SNX7: variants seen among roughly 807,000 people sequenced by gnomAD.
SNX7 encodes sorting nexin 7.
Under a neutral mutation model 48.4 loss-of-function variants are expected in SNX7, and 35 were observed. That is an observed-to-expected ratio of 0.72 (90% confidence interval 0.55 to 0.96). The LOEUF is 0.96. Among genes scored for constraint, SNX7 ranks in the 40% least tolerant of loss-of-function variants. The pLI, the probability that SNX7 is intolerant of heterozygous loss-of-function variation, is 0.00. For synonymous variants in SNX7, 190 were observed against 190.2 expected (o/e 1.00, Z 0.01); for missense variants, 553 against 548.9 (o/e 1.01, Z -0.07).
At chr1:98,662,784 C>G in intron 1 of SNX7, 1 of 1,289,340 alleles carries the variant, frequency 7.8e-7, no homozygotes, top group Non-Finnish European at 1.0e-6. Flanking sequence ...TACTAAGAAG[C>G]CTGTTCATTT....
intron 7 of SNX7, among the ~76,000 whole-genome samples, chr1:98,704,252 C>G (rs1269354563): frequency 6.6e-6 from 1 of 152,116 alleles, no homozygotes; most frequent in African/African-American, 2.4e-5. Flanking sequence ...CATTGTAAGA[C>G]TGGAAAAATT....
chr1:98,707,800 C>A (rs188682694), intron 7 of SNX7, among the ~76,000 whole-genome samples: 2 of 152,220 alleles, frequency 1.3e-5, no homozygotes, highest in Non-Finnish European at 1.5e-5. Flanking sequence ...TCATCATAGT[C>A]TGGAATTTTG....
intron 4 of SNX7, among the ~76,000 whole-genome samples, chr1:98,692,714 T>C (rs1038480545): frequency 1.3e-5 from 2 of 152,176 alleles, no homozygotes; most frequent in African/African-American, 4.8e-5. Context: ...GCTACAAAAA[T>C]AGTACAATAG....
chr1:98,716,430 A>G lies in SNX7; in HGVS notation c.1125+14527A>G, dbSNP rs376863983. Among the ~76,000 whole-genome samples, 4 of 152,238 alleles carry G rather than the reference A, an allele frequency of 2.6e-5. No homozygotes were observed. In the East Asian group the frequency reaches 5.8e-4, roughly 22 times the overall value. On this transcript the variant is annotated intron_variant, in intron 7 of 8. Transcript: ENST00000306121. ...CCAGTGTGGACATTAGTCTTGTTCT[A>G]CCTGCAGTGATTAACCTTTAGAGCT...
chr1:98,722,104 T>C (rs1557821078), intron 7 of SNX7, among the ~76,000 whole-genome samples: 2 of 152,104 alleles, frequency 1.3e-5, no homozygotes, highest in Non-Finnish European at 1.5e-5. Context: ...TTAATGGTGT[T>C]GAAGGTGCTG....
intron 1 of SNX7, among the ~76,000 whole-genome samples, chr1:98,668,715 T>A (rs1203375658): frequency 1.3e-5 from 2 of 152,222 alleles, no homozygotes; most frequent in Non-Finnish European, 2.9e-5. Flanking sequence ...TAATAACTCC[T>A]TATGAACACT....
chr1:98,690,200 A>G (rs940646744), intron 2 of SNX7, among the ~76,000 whole-genome samples: 13 of 152,118 alleles, frequency 8.5e-5, no homozygotes, highest in African/African-American at 3.1e-4. Context: ...TTCAACCTAA[A>G]TATTACTGCA....
At chr1:98,739,557 A>T (rs1653968375) in intron 8 of SNX7, among the ~76,000 whole-genome samples, 1 of 152,236 alleles carries the variant, frequency 6.6e-6, no homozygotes, top group African/African-American at 2.4e-5. Context: ...TGAAGGAAAC[A>T]ATCACAAAGA....
intron 7 of SNX7, among the ~76,000 whole-genome samples, chr1:98,703,688 T>TATATATAC (rs1651868898): frequency 6.6e-6 from 1 of 151,946 alleles, no homozygotes; most frequent in Non-Finnish European, 1.5e-5. Context: ...TGTATAAACA[T>TATATATAC]ATATATACAT....
At chr1:98,714,655 G>A (rs1455893382) in intron 7 of SNX7, among the ~76,000 whole-genome samples, 1 of 152,058 alleles carries the variant, frequency 6.6e-6, no homozygotes, top group Non-Finnish European at 1.5e-5. Flanking sequence ...TCCAAATTCT[G>A]GAGCACCAGT....
At chr1:98,732,987 G>T (rs1033882076) in intron 7 of SNX7, among the ~76,000 whole-genome samples, 1 of 152,064 alleles carries the variant, frequency 6.6e-6, no homozygotes, top group Admixed American at 6.6e-5. Context: ...ATGTCAATCG[G>T]TGTATCCATA....
chr1:98,696,783 A>G (rs1651481396), intron 5 of SNX7, among the ~76,000 whole-genome samples: 1 of 151,788 alleles, frequency 6.6e-6, no homozygotes, highest in African/African-American at 2.4e-5. Flanking sequence ...CTGTGATTCC[A>G]GTTCTATTAA....
intron 7 of SNX7, among the ~76,000 whole-genome samples, chr1:98,721,702 G>T (rs1652882998): frequency 6.6e-6 from 1 of 151,976 alleles, no homozygotes; most frequent in East Asian, 1.9e-4. Flanking sequence ...GGCCTGTGAA[G>T]TTCTGTGAAA....
At chr1:98,718,787 T>G (rs1026123460) in intron 7 of SNX7, among the ~76,000 whole-genome samples, 12 of 152,154 alleles carry the variant, frequency 7.9e-5, no homozygotes, top group Admixed American at 7.9e-4. Context: ...ACATTCTGAC[T>G]TTTTAATTCG....
In SNX7 at chr1:98,684,922, T is replaced by C; in HGVS notation, c.218T>C (p.Met73Thr). ...SLMDMNSFSP[M>T]MPTSPLSMIN... is the part of the protein sequence containing the mutation. ...ATGGACATGAACTCCTTCAGCCCTA[T>C]GATGCCAACATCCCCTTTATCAATG... is the stretch of plus-strand genomic sequence containing the variant. Residue 73 changes from methionine to threonine, a missense_variant, in exon 2 of 9, where the codon ATG becomes ACG. Physicochemically the swap from Met to Thr is moderately conservative, Grantham distance 81 (BLOSUM62 -1). Transcript: ENST00000306121. 6.3e-7 allele frequency: 1 copy of C among 1,586,234 alleles called. No individual in the cohort carries two copies. The highest frequency in any genetic ancestry group is 8.6e-7 in the Non-Finnish European group (1 of 1,164,876).
chr1:98,687,555 G>A (rs1020220421), intron 2 of SNX7, among the ~76,000 whole-genome samples: 5 of 152,020 alleles, frequency 3.3e-5, no homozygotes, highest in Non-Finnish European at 5.9e-5. Flanking sequence ...CCCAAGTATT[G>A]TGCTTATATA....
chr1:98,748,343 T>A (rs1214479563), intron 8 of SNX7, among the ~76,000 whole-genome samples: 1 of 151,990 alleles, frequency 6.6e-6, no homozygotes, highest in East Asian at 1.9e-4. Context: ...TCCCCTATAT[T>A]CTGTAATGTA....
chr1:98,760,013 A>T lies in SNX7; in HGVS notation c.1279-41A>T, dbSNP rs1203120239. ...TATTAATCCTTTAACACTGAAAGTA[A>T]ACTATTGTTGATTGCCTCATGGTGT... is the stretch of plus-strand genomic sequence containing the variant. On this transcript the variant is annotated intron_variant, in intron 8 of 8. Transcript: ENST00000306121. 3 of 1,296,046 alleles carry T rather than the reference A, an allele frequency of 2.3e-6. No homozygotes were observed. In the Admixed American group the frequency reaches 5.1e-5, roughly 22 times the overall value. The allele number at this position is 1,296,046 out of a possible 1,614,324, so 80.3% of individuals were successfully genotyped here.
chr1:98,718,826 A>G (rs1652720936), intron 7 of SNX7, among the ~76,000 whole-genome samples: 2 of 152,090 alleles, frequency 1.3e-5, no homozygotes, highest in Non-Finnish European at 2.9e-5. Flanking sequence ...AGATTTCTGC[A>G]CTGTGCTTTT....
Sources: allele counts gnomAD v4.1 joint callset (sites outside exome capture counted in the v4.1 genomes callset), GRCh38; gene constraint gnomAD v4.1.1; transcripts MANE v1.5; gene names NCBI Gene and HGNC (gene_info 2026-07-23, HGNC 2026-07-21).